The following PDE4B variants were observed in gnomAD, a reference collection of about 807,000 sequenced individuals.
PDE4B encodes phosphodiesterase 4B, also known as 3',5'-cyclic-AMP phosphodiesterase 4B.
In PDE4B, 20 loss-of-function variants were observed where a neutral mutation model predicts 82.2. The observed-to-expected ratio is 0.24, with a 90% CI of 0.17 to 0.35. The LOEUF (loss-of-function observed/expected upper bound fraction) is 0.35, where lower values mean the gene tolerates loss of function less well. PDE4B is among the 10% of genes least tolerant of loss of function. The probability of loss-of-function intolerance (pLI) is 1.00; values close to 1 mark genes in which losing one functional copy is unlikely to be tolerated. For missense variants in PDE4B, 655 were observed against 907.2 expected (o/e 0.72, Z 3.57); for synonymous variants, 320 against 318.9 (o/e 1.00, Z -0.04).
intron 3 of PDE4B, among the ~76,000 whole-genome samples, chr1:66,110,605 A>T (rs1234234626): frequency 6.6e-6 from 1 of 152,068 alleles, no homozygotes; most frequent in African/African-American, 2.4e-5. Flanking sequence ...AAATTTAACC[A>T]TCTGTGTTTT....
chr1:66,262,892 T>C (rs1654787965), intron 6 of PDE4B, among the ~76,000 whole-genome samples: 2 of 152,192 alleles, frequency 1.3e-5, no homozygotes, highest in South Asian at 2.1e-4. Context: ...CAAGAAGTCA[T>C]TGAGAGAATT....
chr1:66,233,149 C>T (rs182802463), intron 3 of PDE4B, among the ~76,000 whole-genome samples: 1 of 152,188 alleles, frequency 6.6e-6, no homozygotes, highest in African/African-American at 2.4e-5. Flanking sequence ...CCACCCCTTT[C>T]CCCCCAGGAA....
rs972577893 is a variant in PDE4B at position 66,011,665 on chromosome 1, G to GT, written c.281+92838dup. On this transcript the variant is annotated intron_variant, in intron 3 of 16. Transcript: ENST00000341517. ...AAGTACATGTTTTAAAAAAATGAGTGTTTTTTTTCCTGTGAGACATCTGTA... is the reference window on the plus strand; with the variant it reads ...AAGTACATGTTTTAAAAAAATGAGTGTTTTTTTTTCCTGTGAGACATCTGTA... 1.8e-4 allele frequency among the ~76,000 whole-genome samples: 27 copies of GT among 151,912 alleles called. No individual in the cohort carries two copies. In the East Asian group the frequency reaches 2.7e-3, roughly 15 times the overall value.
intron 3 of PDE4B, among the ~76,000 whole-genome samples, chr1:65,997,707 C>G (rs1651629395): frequency 6.6e-6 from 1 of 152,148 alleles, no homozygotes; most frequent in Non-Finnish European, 1.5e-5. Context: ...TGTTAAGAGC[C>G]TACTATGCAC....
At chr1:66,205,773 A>C (rs767334684) in intron 3 of PDE4B, among the ~76,000 whole-genome samples, 9 of 152,322 alleles carry the variant, frequency 5.9e-5, no homozygotes, top group Non-Finnish European at 1.0e-4. Flanking sequence ...CTAGAAAGGA[A>C]CATTCACTAA....
intron 7 of PDE4B, among the ~76,000 whole-genome samples, chr1:66,288,271 C>T (rs1277404671): frequency 6.6e-6 from 1 of 152,006 alleles, no homozygotes; most frequent in Non-Finnish European, 1.5e-5. Context: ...TCACTCACTA[C>T]CGCAAACACA....
rs760504985 is a variant in PDE4B, at chr1:66,363,499, A to G, written c.1212A>G (p.Ala404=). 6 of 1,613,858 alleles carry G rather than the reference A, an allele frequency of 3.7e-6. No individual in the cohort carries two copies. In the East Asian group the frequency reaches 1.1e-4, roughly 30 times the overall value. The change falls in exon 12 of 17, where the codon GCA becomes GCG. Residue 404 remains alanine, a synonymous_variant. Transcript: ENST00000341517. ...AAGACCATTACCATTCTGACGTGGCATATCACAACAGCCTGCACGCTGCTG... is the reference window on the plus strand; with the variant it reads ...AAGACCATTACCATTCTGACGTGGCGTATCACAACAGCCTGCACGCTGCTG... The part of the protein sequence containing the change: ...TLEDHYHSDV[A]YHNSLHAADV...
At chr1:66,177,433 G>T (rs1646953220) in intron 3 of PDE4B, among the ~76,000 whole-genome samples, 1 of 152,184 alleles carries the variant, frequency 6.6e-6, no homozygotes, top group African/African-American at 2.4e-5. Flanking sequence ...TGTGTGACTT[G>T]GGACTTAGGC....
intron 3 of PDE4B, among the ~76,000 whole-genome samples, chr1:66,078,841 A>C (rs1180255445): frequency 1.3e-5 from 2 of 152,116 alleles, no homozygotes; most frequent in Non-Finnish European, 2.9e-5. Context: ...GGGAAGAACC[A>C]CTTTATCACC....
rs1645593960 is a variant in PDE4B, at chr1:65,793,267, G to C, written c.-71+19G>C. On this transcript the variant is annotated intron_variant, in intron 1 of 16. Coordinates refer to ENST00000341517, the MANE Select transcript of PDE4B (RefSeq NM_002600.4). ...GCCTGAGGTAAGGGCTGCCTAGGAG[G>C]CTGCGGGTTTATTTTTCCTCATTCT... 6.6e-6 allele frequency: 1 copy of C among 152,446 alleles called. No homozygotes were observed. The highest frequency in any genetic ancestry group is 2.1e-4 in the South Asian group (1 of 4,838). 9.4% of individuals were successfully genotyped at this position (152,446 alleles called of 1,614,324 possible).
chr1:66,298,851 G>C (rs886921963), intron 7 of PDE4B, among the ~76,000 whole-genome samples: 1 of 152,088 alleles, frequency 6.6e-6, no homozygotes, highest in Non-Finnish European at 1.5e-5. Flanking sequence ...CTTTCACATG[G>C]ATCTGAAAAC....
At chr1:66,017,340 C>T (rs1042082878) in intron 3 of PDE4B, among the ~76,000 whole-genome samples, 5 of 151,982 alleles carry the variant, frequency 3.3e-5, no homozygotes, top group African/African-American at 1.2e-4. Context: ...TCCAGTAGAC[C>T]TAGCCTATAA....
intron 3 of PDE4B, among the ~76,000 whole-genome samples, chr1:65,949,449 T>C (rs971040864): frequency 2.0e-5 from 3 of 152,118 alleles, no homozygotes; most frequent in Non-Finnish European, 4.4e-5. Flanking sequence ...TCACTGGGGC[T>C]CTTGCCAGGG....
At chr1:66,019,911 T>C (rs1043856730) in intron 3 of PDE4B, among the ~76,000 whole-genome samples, 1 of 152,204 alleles carries the variant, frequency 6.6e-6, no homozygotes, top group Non-Finnish European at 1.5e-5. Flanking sequence ...CTTGTTCATT[T>C]GTAGACATCA....
intron 1 of PDE4B, among the ~76,000 whole-genome samples, chr1:65,835,530 G>A (rs59933083): frequency 0.012 from 1,822 of 152,288 alleles, 39 homozygotes; most frequent in African/African-American, 0.042. Flanking sequence ...GGCTGAGCAA[G>A]TGAAAAATAA....
At chr1:66,195,532 C>T (rs1452724765) in intron 3 of PDE4B, among the ~76,000 whole-genome samples, 1 of 152,124 alleles carries the variant, frequency 6.6e-6, no homozygotes, top group Admixed American at 6.6e-5. Context: ...ATTTGGTTTA[C>T]AAATACTTAG....
intron 7 of PDE4B, among the ~76,000 whole-genome samples, chr1:66,326,901 A>G (rs1659784740): frequency 6.6e-6 from 1 of 152,324 alleles, no homozygotes; most frequent in South Asian, 2.1e-4. Context: ...TCAAAGTTAA[A>G]TGATGCCAGA....
intron 7 of PDE4B, among the ~76,000 whole-genome samples, chr1:66,295,163 G>C (rs115934215): frequency 1.3e-5 from 2 of 152,250 alleles, no homozygotes; most frequent in Non-Finnish European, 2.9e-5. Context: ...TTTGTTCCTA[G>C]TGGCTTTTCT....
intron 3 of PDE4B, among the ~76,000 whole-genome samples, chr1:65,923,823 T>C (rs1378587398): frequency 6.6e-6 from 1 of 152,112 alleles, no homozygotes; most frequent in African/African-American, 2.4e-5. Context: ...CTTTCATTTA[T>C]CTTATTTGGG....
Sources: allele counts gnomAD v4.1 joint callset (sites outside exome capture counted in the v4.1 genomes callset), GRCh38; gene constraint gnomAD v4.1.1; transcripts MANE v1.5; gene names NCBI Gene and HGNC (gene_info 2026-07-23, HGNC 2026-07-21).